The following NOL10 variants were observed in gnomAD, a reference collection of about 807,000 sequenced individuals.
NOL10 encodes the protein nucleolar protein 10.
In NOL10, 58 loss-of-function variants were observed where a neutral mutation model predicts 103.5. The ratio of observed to expected loss-of-function variants is 0.56; its 90% confidence interval spans 0.45 to 0.70. The LOEUF is 0.70. NOL10 is among the 30% of genes least tolerant of loss of function. NOL10 has a pLI of 0.00. For missense variants in NOL10, 763 were observed against 807.3 expected, an observed-to-expected ratio of 0.95 and a Z score of 0.67; for synonymous variants, 287 against 282.5, an observed-to-expected ratio of 1.02 and a Z score of -0.16.
At chr2:10,669,466 T>TATATA (rs1553313389) in intron 6 of NOL10, among the ~76,000 whole-genome samples, 52 of 142,720 alleles carry the variant, frequency 3.6e-4, no homozygotes, top group African/African-American at 9.8e-4. Flanking sequence ...TTTTTATTTT[T>TATATA]TATATATATA....
At chr2:10,666,788 T>A (rs910009563) in intron 8 of NOL10, among the ~76,000 whole-genome samples, 1 of 152,082 alleles carries the variant, frequency 6.6e-6, no homozygotes. Context: ...TGTACACATA[T>A]GCATATTGGC....
At chr2:10,654,686 C>A in intron 11 of NOL10, 139 bp from the exon 12 acceptor site, 2 of 498,680 alleles carry the variant, frequency 4.0e-6, no homozygotes, top group Middle Eastern at 3.4e-4. Context: ...AATTTAAATT[C>A]TTAAAAATCT....
At chr2:10,602,715 T>C (rs1418651902) in intron 16 of NOL10, 61 bp downstream of exon 16, 2 of 1,026,460 alleles carry the variant, frequency 1.9e-6, no homozygotes, top group Non-Finnish European at 2.9e-6. Flanking sequence ...TTTGGAATAA[T>C]ACACAAAATG....
intron 19 of NOL10, among the ~76,000 whole-genome samples, chr2:10,582,596 T>C (rs534867494): frequency 9.9e-5 from 15 of 152,280 alleles, no homozygotes; most frequent in African/African-American, 3.6e-4. Flanking sequence ...AGCATGGCCT[T>C]CCCAATCTTT....
At chr2:10,635,145 G>A (rs1465421995) in intron 13 of NOL10, among the ~76,000 whole-genome samples, 1 of 152,100 alleles carries the variant, frequency 6.6e-6, no homozygotes, top group Non-Finnish European at 1.5e-5. Flanking sequence ...ACAGACTGAA[G>A]GTAATTTTAT....
chr2:10,645,508 A>T (rs1331728296), intron 12 of NOL10, among the ~76,000 whole-genome samples: 1 of 150,226 alleles, frequency 6.7e-6, no homozygotes, highest in African/African-American at 2.5e-5. Flanking sequence ...GTCAATTACC[A>T]CTCAAGCAGG....
chr2:10,595,144 C>CAGAGAGAG lies in NOL10; in HGVS notation c.1423-5401_1423-5394dup, dbSNP rs77723934. ...GCAAGAGGGAGGGAGGGGGAGGGGGCAGAGAGAGAGAGAGAGAGAGAGAGA... is the reference window on the plus strand; with the variant it reads ...GCAAGAGGGAGGGAGGGGGAGGGGGCAGAGAGAGAGAGAGAGAGAGAGAGAGAGAGAGA... On this transcript the variant is annotated intron_variant, in intron 17 of 20. Transcript: ENST00000381685. Among the ~76,000 whole-genome samples, 594 of 124,224 alleles carry CAGAGAGAG rather than the reference C, an allele frequency of 4.8e-3. 3 individuals are homozygous for CAGAGAGAG. Among genetic ancestry groups the CAGAGAGAG allele is most frequent in the Non-Finnish European group, 7.7e-3 (457 of 59,716 alleles). The allele number at this position is 124,224 out of a possible 152,430, so 81.5% of individuals were successfully genotyped here.
chr2:10,652,479 C>A (rs1001700861), intron 12 of NOL10, among the ~76,000 whole-genome samples: 10 of 152,074 alleles, frequency 6.6e-5, no homozygotes, highest in Non-Finnish European at 1.5e-4. Context: ...TGTATTACAG[C>A]ATCCATCATC....
At chr2:10,669,481 TA>T (rs1306272537) in intron 6 of NOL10, among the ~76,000 whole-genome samples, 1 of 132,428 alleles carries the variant, frequency 7.6e-6, no homozygotes, top group African/African-American at 2.7e-5. Context: ...TATATATATA[TA>T]CACACACACA....
At chr2:10,634,606 G>A in intron 13 of NOL10, 2 of 456,652 alleles carry the variant, frequency 4.4e-6, no homozygotes, top group Non-Finnish European at 8.8e-6. Flanking sequence ...GTTATATAAA[G>A]CCTAGTTATA....
chr2:10,577,422 A>C (rs10929677), intron 20 of NOL10, among the ~76,000 whole-genome samples: 1 of 151,942 alleles, frequency 6.6e-6, no homozygotes, highest in Admixed American at 6.5e-5. Flanking sequence ...TCTCCCTTGG[A>C]ACACCAGTGA....
chr2:10,635,943 TAGCACGACCTCGGCTC>T (rs1286963253), intron 13 of NOL10, among the ~76,000 whole-genome samples: 1 of 152,256 alleles, frequency 6.6e-6, no homozygotes, highest in African/African-American at 2.4e-5. Context: ...TGGAGTGCGG[TAGCACGACCTCGGCTC>T]ACCGTAACCT....
At chr2:10,634,865 G>A (rs973738202) in intron 13 of NOL10, among the ~76,000 whole-genome samples, 22 of 152,158 alleles carry the variant, frequency 1.4e-4, no homozygotes, top group Non-Finnish European at 1.5e-4. Flanking sequence ...GGTCAACTGT[G>A]TTTCTAAATA....
intron 13 of NOL10, among the ~76,000 whole-genome samples, chr2:10,625,680 G>A (rs1418980736): frequency 6.6e-6 from 1 of 152,020 alleles, no homozygotes; most frequent in Non-Finnish European, 1.5e-5. Context: ...AATTTACGGT[G>A]CTAGTAATAC....
intron 8 of NOL10, among the ~76,000 whole-genome samples, chr2:10,665,418 T>C (rs1680507971): frequency 6.6e-6 from 1 of 152,226 alleles, no homozygotes; most frequent in Non-Finnish European, 1.5e-5. Flanking sequence ...TTTGACAATA[T>C]TATGATAACT....
chr2:10,678,530 T>A (rs138806128), intron 3 of NOL10, among the ~76,000 whole-genome samples: 71 of 152,012 alleles, frequency 4.7e-4, no homozygotes, highest in African/African-American at 1.2e-3. Flanking sequence ...GAATCTGGCA[T>A]GATCATAAAC....
intron 2 of NOL10, among the ~76,000 whole-genome samples, chr2:10,682,679 A>C (rs1032751770): frequency 3.3e-5 from 5 of 151,964 alleles, no homozygotes; most frequent in Non-Finnish European, 7.4e-5. Context: ...GGATTGCAGG[A>C]GTGAGCCACC....
At chr2:10,621,819 T>A (rs758363444) in intron 13 of NOL10, among the ~76,000 whole-genome samples, 5 of 152,174 alleles carry the variant, frequency 3.3e-5, no homozygotes, top group South Asian at 4.1e-4. Flanking sequence ...AAGTTCAACA[T>A]CAAAGAAAAT....
intron 8 of NOL10, among the ~76,000 whole-genome samples, chr2:10,663,394 T>C (rs1352186508): frequency 6.8e-6 from 1 of 146,494 alleles, no homozygotes; most frequent in Non-Finnish European, 1.5e-5. Flanking sequence ...TGCTAAGAAA[T>C]CCTTAAAACA....
Sources: allele counts gnomAD v4.1 joint callset (sites outside exome capture counted in the v4.1 genomes callset), GRCh38; gene constraint gnomAD v4.1.1; transcripts MANE v1.5; gene names NCBI Gene and HGNC (gene_info 2026-07-23, HGNC 2026-07-21).